CNTNAP2: variants seen among roughly 807,000 people sequenced by gnomAD.
The protein encoded by CNTNAP2 is contactin-associated protein-like 2.
CNTNAP2 carries 98 observed loss-of-function variants against 155.2 expected under a neutral mutation model. The observed-to-expected ratio is 0.63, with a 90% CI of 0.54 to 0.75. The LOEUF (loss-of-function observed/expected upper bound fraction) is 0.75. Ranked by LOEUF, CNTNAP2 falls within the 30% of genes least tolerant of loss-of-function variation. The probability of loss-of-function intolerance (pLI) is 0.00; values close to 1 mark genes in which losing one functional copy is unlikely to be tolerated. For missense variants in CNTNAP2, 1,727 were observed against 1,688.1 expected, an observed-to-expected ratio of 1.02 and a Z score of -0.40; for synonymous variants, 651 against 631.2, an observed-to-expected ratio of 1.03 and a Z score of -0.47.
intron 13 of CNTNAP2, among the ~76,000 whole-genome samples, chr7:147,681,810 A>G (rs1375664445): frequency 6.6e-6 from 1 of 151,850 alleles, no homozygotes; most frequent in Non-Finnish European, 1.5e-5. Flanking sequence ...AGAGAGAGAG[A>G]GAGACTACAT....
At chr7:147,911,946 C>T (rs976374466) in intron 14 of CNTNAP2, among the ~76,000 whole-genome samples, 6 of 152,188 alleles carry the variant, frequency 3.9e-5, no homozygotes, top group African/African-American at 1.2e-4. Flanking sequence ...TCTACTTTTA[C>T]TCACCTCTGT....
At chr7:146,260,176 G>A (rs1563012166) in intron 1 of CNTNAP2, among the ~76,000 whole-genome samples, 1 of 152,194 alleles carries the variant, frequency 6.6e-6, no homozygotes, top group African/African-American at 2.4e-5. Context: ...TGAGTTTTAG[G>A]AGCCTCCACC....
At chr7:146,412,405 G>A (rs6961706) in intron 1 of CNTNAP2, among the ~76,000 whole-genome samples, 1,862 of 152,328 alleles carry the variant, frequency 0.012, 48 homozygotes, top group African/African-American at 0.043. Flanking sequence ...CTAGAGACAA[G>A]AGAAGAGTCT....
intron 1 of CNTNAP2, among the ~76,000 whole-genome samples, chr7:146,320,109 CTG>C (rs1365986483): frequency 2.0e-5 from 3 of 151,742 alleles, no homozygotes; most frequent in East Asian, 3.9e-4. Context: ...AAAAAAGACT[CTG>C]AGTATAAATT....
chr7:148,160,585 C>A (rs928492354), intron 17 of CNTNAP2, among the ~76,000 whole-genome samples: 2 of 152,146 alleles, frequency 1.3e-5, no homozygotes, highest in Non-Finnish European at 1.5e-5. Context: ...CCATTTGGAC[C>A]AATTACTCCT....
At chr7:147,875,067 C>T (rs1799399865) in intron 13 of CNTNAP2, among the ~76,000 whole-genome samples, 3 of 152,198 alleles carry the variant, frequency 2.0e-5, no homozygotes, top group Admixed American at 2.0e-4. Context: ...CTACATCGTC[C>T]TGTCTTCTTC....
intron 21 of CNTNAP2, among the ~76,000 whole-genome samples, chr7:148,281,405 GGTCAGTT>G (rs1796971647): frequency 6.6e-6 from 1 of 152,172 alleles, no homozygotes; most frequent in African/African-American, 2.4e-5. Context: ...TGAAATTTCT[GGTCAGTT>G]GCCTTTGCGT....
intron 1 of CNTNAP2, among the ~76,000 whole-genome samples, chr7:146,197,669 C>T (rs1562986543): frequency 6.6e-6 from 1 of 152,164 alleles, no homozygotes; most frequent in Admixed American, 6.5e-5. Context: ...TTAATCTTCT[C>T]TGTATTTTTA....
At chr7:146,984,360 C>G (rs1168211178) in intron 3 of CNTNAP2, among the ~76,000 whole-genome samples, 2 of 139,278 alleles carry the variant, frequency 1.4e-5, no homozygotes, top group Non-Finnish European at 3.1e-5. Context: ...AGAGCAAAAC[C>G]CCATCTCAAA....
intron 15 of CNTNAP2, among the ~76,000 whole-genome samples, chr7:147,995,679 A>G (rs112468171): frequency 2.0e-5 from 3 of 151,898 alleles, no homozygotes; most frequent in Non-Finnish European, 4.4e-5. Context: ...ATGCCCAGCT[A>G]ATTTTTTGTA....
chr7:147,414,868 G>A (rs558047006), intron 10 of CNTNAP2, among the ~76,000 whole-genome samples: 3 of 150,802 alleles, frequency 2.0e-5, no homozygotes, highest in East Asian at 1.9e-4. Flanking sequence ...GTGAACCTTG[G>A]GGGGTGGAGC....
intron 13 of CNTNAP2, among the ~76,000 whole-genome samples, chr7:147,742,434 T>G (rs1353567705): frequency 6.6e-6 from 1 of 152,240 alleles, no homozygotes; most frequent in African/African-American, 2.4e-5. Context: ...ATTCTTAACT[T>G]TCTCTCCCTT....
chr7:148,300,342 T>C (rs903826338), intron 21 of CNTNAP2, among the ~76,000 whole-genome samples: 1 of 152,178 alleles, frequency 6.6e-6, no homozygotes, highest in African/African-American at 2.4e-5. Flanking sequence ...AGAAGATAAA[T>C]ACATGTGTAA....
intron 1 of CNTNAP2, among the ~76,000 whole-genome samples, chr7:146,201,263 C>T (rs1353631124): frequency 6.6e-6 from 1 of 152,080 alleles, no homozygotes; most frequent in Admixed American, 6.6e-5. Flanking sequence ...TCTGAACTTT[C>T]TGGGGGAGAA....
At chr7:148,279,708 CA>C (rs1796938956) in intron 21 of CNTNAP2, among the ~76,000 whole-genome samples, 1 of 151,484 alleles carries the variant, frequency 6.6e-6, no homozygotes, top group African/African-American at 2.4e-5. Flanking sequence ...CTGGGAAAGG[CA>C]AAAAAGAAAA....
chr7:147,647,307 CT>C (rs879583841), intron 13 of CNTNAP2, among the ~76,000 whole-genome samples: 223 of 144,398 alleles, frequency 1.5e-3, no homozygotes, highest in African/African-American at 1.9e-3. Flanking sequence ...GGCCAGTTCA[CT>C]TTTTTTTTTT....
intron 9 of CNTNAP2, among the ~76,000 whole-genome samples, chr7:147,328,046 T>TG (rs1358696275): frequency 1.3e-5 from 2 of 151,912 alleles, no homozygotes; most frequent in Non-Finnish European, 2.9e-5. Context: ...GACAAATTTT[T>TG]GGAAAAAAAA....
chr7:147,241,234 CTT>C (rs1803929633), intron 8 of CNTNAP2, among the ~76,000 whole-genome samples: 1 of 152,222 alleles, frequency 6.6e-6, no homozygotes, highest in African/African-American at 2.4e-5. Context: ...ACAATTTTCA[CTT>C]TGTTAGAATT....
intron 12 of CNTNAP2, among the ~76,000 whole-genome samples, chr7:147,607,200 G>C (rs976732296): frequency 6.6e-6 from 1 of 152,036 alleles, no homozygotes; most frequent in Non-Finnish European, 1.5e-5. Flanking sequence ...CTGATTATTT[G>C]GGAATTTTCT....
Sources: allele counts gnomAD v4.1 joint callset (sites outside exome capture counted in the v4.1 genomes callset), GRCh38; gene constraint gnomAD v4.1.1; transcripts MANE v1.5; gene names NCBI Gene and HGNC (gene_info 2026-07-23, HGNC 2026-07-21).